The following RAB31 variants were observed in gnomAD, a reference collection of about 807,000 sequenced individuals.
The protein encoded by RAB31 is RAB31, member RAS oncogene family.
In RAB31, 21 loss-of-function variants were observed where a neutral mutation model predicts 25.6. The ratio of observed to expected loss-of-function variants is 0.82; its 90% CI spans 0.58 to 1.18. The LOEUF (loss-of-function observed/expected upper bound fraction) is 1.18. Ranked by LOEUF, RAB31 falls within the 50% of genes most tolerant of loss-of-function variation. The pLI, the probability that RAB31 is intolerant of heterozygous loss-of-function variation, is 0.00. For synonymous variants in RAB31, 87 were observed against 84.0 expected (o/e 1.04, Z -0.20); for missense variants, 196 against 250.1 (o/e 0.78, Z 1.46).
intron 1 of RAB31, chr18:9,734,802 A>G (rs963769860): frequency 4.0e-5 from 7 of 173,504 alleles, no homozygotes; most frequent in Non-Finnish European, 7.7e-5. Flanking sequence ...AGTATTTAGC[A>G]TTTAATGAAC....
At chr18:9,821,415 T>C (rs1448819938) in intron 5 of RAB31, among the ~76,000 whole-genome samples, 1 of 152,126 alleles carries the variant, frequency 6.6e-6, no homozygotes, top group Non-Finnish European at 1.5e-5. Flanking sequence ...ATTTTGTCTT[T>C]ATCATATTTA....
intron 3 of RAB31, among the ~76,000 whole-genome samples, chr18:9,810,542 C>G (rs2068565321): frequency 6.6e-6 from 1 of 152,118 alleles, no homozygotes; most frequent in African/African-American, 2.4e-5. Flanking sequence ...CCCTCAAGTC[C>G]CCAGCAATAA....
intron 1 of RAB31, among the ~76,000 whole-genome samples, chr18:9,717,951 G>T (rs1033158537): frequency 2.0e-5 from 3 of 152,076 alleles, no homozygotes; most frequent in African/African-American, 7.2e-5. Context: ...CTGGAGTGCA[G>T]TGGTGCAATC....
At chr18:9,794,558 T>G (rs1260318983) in intron 3 of RAB31, among the ~76,000 whole-genome samples, 2 of 152,224 alleles carry the variant, frequency 1.3e-5, no homozygotes, top group African/African-American at 4.8e-5. Context: ...GGCTCATGCC[T>G]GCAATCCCAG....
At chr18:9,768,738 C>T (rs995420235) in intron 1 of RAB31, among the ~76,000 whole-genome samples, 5 of 152,024 alleles carry the variant, frequency 3.3e-5, no homozygotes, top group Admixed American at 2.0e-4. Context: ...TTGTTGCCAT[C>T]GCTTTTGGTA....
At chr18:9,794,806 G>T (rs8094513) in intron 3 of RAB31, among the ~76,000 whole-genome samples, 64,191 of 151,584 alleles carry the variant, frequency 0.42, 13,785 homozygotes, top group South Asian at 0.52. Flanking sequence ...CAGAGAGAGA[G>T]TCTGTCTCAA....
chr18:9,760,749 C>T (rs557289480), intron 1 of RAB31, among the ~76,000 whole-genome samples: 53 of 152,230 alleles, frequency 3.5e-4, no homozygotes, highest in Non-Finnish European at 6.8e-4. Context: ...GTTCCCAAGG[C>T]CCCCGCTAAG....
chr18:9,774,850 G>T (rs556741677), intron 1 of RAB31: 3 of 519,060 alleles, frequency 5.8e-6, no homozygotes, highest in South Asian at 4.2e-5. Flanking sequence ...AGGTCTTAAA[G>T]GGTGATGCCT....
intron 2 of RAB31, among the ~76,000 whole-genome samples, chr18:9,782,685 T>C (rs903297054): frequency 1.3e-5 from 2 of 152,142 alleles, no homozygotes; most frequent in African/African-American, 4.8e-5. Context: ...GAAGAAAAGA[T>C]GCCTGAGGTT....
chr18:9,800,780 G>A (rs2068510078), intron 3 of RAB31, among the ~76,000 whole-genome samples: 1 of 151,872 alleles, frequency 6.6e-6, no homozygotes, highest in Admixed American at 6.5e-5. Context: ...AGTATGACCA[G>A]CCCCCCTTTT....
At chr18:9,774,709 G>A (rs1236380535) in intron 1 of RAB31, among the ~76,000 whole-genome samples, 2 of 152,140 alleles carry the variant, frequency 1.3e-5, no homozygotes, top group Admixed American at 1.3e-4. Flanking sequence ...GTCATAATCA[G>A]CTTTAAAGAA....
At chr18:9,819,092 T>A (rs1347520155) in intron 5 of RAB31, among the ~76,000 whole-genome samples, 1 of 152,208 alleles carries the variant, frequency 6.6e-6, no homozygotes, top group Non-Finnish European at 1.5e-5. Context: ...TTTTCACAAT[T>A]TTTACTGTGT....
At chr18:9,808,000 A>G (rs1469187333) in intron 3 of RAB31, among the ~76,000 whole-genome samples, 2 of 152,138 alleles carry the variant, frequency 1.3e-5, no homozygotes, top group Non-Finnish European at 2.9e-5. Context: ...AAAGTAATCC[A>G]TGCCTTCCTC....
rs373586335 is a variant in RAB31 at position 9,811,881 on chromosome 18, A to G, written c.202-2139A>G. The stretch of plus-strand genomic sequence containing the variant: ...TAAAAATCATCATTTTAATGGCTAT[A>G]GAATATCATTACATACATATATGTA... On this transcript the variant is annotated intron_variant, in intron 3 of 6. Coordinates refer to ENST00000578921, the MANE Select transcript of RAB31 (RefSeq NM_006868.4). Among the ~76,000 whole-genome samples the G allele has an allele frequency of 5.3e-5, 8 of 152,370 alleles. No individual in the cohort carries two copies. The East Asian group carries it at 1.5e-3, about 29-fold the overall frequency.
chr18:9,765,231 G>A (rs893473236), intron 1 of RAB31, among the ~76,000 whole-genome samples: 2 of 152,208 alleles, frequency 1.3e-5, no homozygotes, highest in Non-Finnish European at 2.9e-5. Context: ...GGGAATTACA[G>A]GTGCGAGCCA....
chr18:9,734,818 TC>T, intron 1 of RAB31: 1 of 193,076 alleles, frequency 5.2e-6, no homozygotes, highest in Non-Finnish European at 1.1e-5. Flanking sequence ...TGAACCTCCT[TC>T]CCTGCGGCTG....
At chr18:9,850,678 T>C (rs1244395582) in intron 6 of RAB31, among the ~76,000 whole-genome samples, 2 of 152,092 alleles carry the variant, frequency 1.3e-5, no homozygotes, top group Non-Finnish European at 2.9e-5. Flanking sequence ...TGTTGTTAGT[T>C]TGAGAGCAAG....
At chr18:9,824,699 C>G (rs546319325) in intron 5 of RAB31, among the ~76,000 whole-genome samples, 2 of 152,202 alleles carry the variant, frequency 1.3e-5, no homozygotes, top group Non-Finnish European at 2.9e-5. Flanking sequence ...TAAAGGTCCG[C>G]CCCACTCCCA....
intron 1 of RAB31, among the ~76,000 whole-genome samples, chr18:9,747,825 G>T (rs541531825): frequency 2.6e-5 from 4 of 152,198 alleles, no homozygotes; most frequent in Non-Finnish European, 5.9e-5. Flanking sequence ...CCACTGAGTT[G>T]TTCACTTTAA....
Sources: allele counts gnomAD v4.1 joint callset (sites outside exome capture counted in the v4.1 genomes callset), GRCh38; gene constraint gnomAD v4.1.1; transcripts MANE v1.5; gene names NCBI Gene and HGNC (gene_info 2026-07-23, HGNC 2026-07-21).